Variants in C17orf78 observed in about 807,000 individuals in gnomAD.
C17orf78 encodes the protein uncharacterized protein C17orf78.
A neutral mutation model predicts 31.8 loss-of-function variants in C17orf78; 27 were observed. The ratio of observed to expected loss-of-function variants is 0.85; its 90% CI spans 0.63 to 1.17. The LOEUF (loss-of-function observed/expected upper bound fraction) is 1.17, where lower values mean the gene tolerates loss of function less well. Ranked by LOEUF, C17orf78 falls within the 50% of genes most tolerant of loss-of-function variation. The pLI is 0.00. For synonymous variants in C17orf78, 106 were observed against 115.1 expected, an observed-to-expected ratio of 0.92 and a Z score of 0.51; for missense variants, 258 against 315.2, an observed-to-expected ratio of 0.82 and a Z score of 1.37.
rs1189193698 is a variant in C17orf78, at chr17:37,390,304, TTATA to T, written c.750+969_750+972del. Among the ~76,000 whole-genome samples the T allele has an allele frequency of 2.0e-3, 36 of 17,976 alleles. 2 individuals carry two copies. Among genetic ancestry groups the T allele is most frequent in the African/African-American group, 7.6e-3 (20 of 2,620 alleles). 11.8% of individuals were successfully genotyped at this position (17,976 alleles called of 152,430 possible). On this transcript the variant is annotated intron_variant, in intron 6 of 6. Coordinates refer to ENST00000615133, the MANE Select transcript of C17orf78 (RefSeq NM_173625.5). The stretch of plus-strand genomic sequence containing the variant: ...ATATATAATTATATATTATACATAA[TTATA>T]TATATATATATATATATATATATAT...
At position 37,380,434 on chromosome 17, in the gene C17orf78, A is replaced by T. The variant is rs76798436; in HGVS notation, c.391+1052A>T. On this transcript the variant is annotated intron_variant, in intron 3 of 6. Coordinates refer to ENST00000615133, the MANE Select transcript of C17orf78 (RefSeq NM_173625.5). ...AAAACTTAAAGTATAATAATAAAAG[A>T]AAAAAAAAAGAAAATGAATTATCCT... Among the ~76,000 whole-genome samples, 96 of 149,336 alleles carry T rather than the reference A, an allele frequency of 6.4e-4. 1 individual carries two copies. Among genetic ancestry groups the T allele is most frequent in the African/African-American group, 2.2e-3 (89 of 40,740 alleles).
At chr17:37,381,897 G>T (rs2050302367) in intron 3 of C17orf78, among the ~76,000 whole-genome samples, 1 of 152,016 alleles carries the variant, frequency 6.6e-6, no homozygotes, top group Admixed American at 6.6e-5. Flanking sequence ...AAAGTGCTGG[G>T]ATTACAGGCG....
chr17:37,377,232 T>C (rs1226066845), intron 1 of C17orf78, among the ~76,000 whole-genome samples: 1 of 152,130 alleles, frequency 6.6e-6, no homozygotes. Flanking sequence ...AGGAAATGGG[T>C]TGGTTAGACT....
chr17:37,382,676 A>G (rs2050350792), intron 3 of C17orf78, among the ~76,000 whole-genome samples: 1 of 152,132 alleles, frequency 6.6e-6, no homozygotes, highest in Non-Finnish European at 1.5e-5. Context: ...CCTGGCCAAC[A>G]TGGTAAAACC....
intron 3 of C17orf78, among the ~76,000 whole-genome samples, chr17:37,385,077 T>C (rs2050466644): frequency 6.6e-6 from 1 of 152,134 alleles, no homozygotes; most frequent in East Asian, 1.9e-4. Flanking sequence ...AATCACATCA[T>C]CTCTCATCTG....
In C17orf78 at chr17:37,382,845, C is replaced by T. The variant is rs141162910; in HGVS notation, c.392-3164C>T. On this transcript the variant is annotated intron_variant, in intron 3 of 6. Coordinates refer to ENST00000615133, the MANE Select transcript of C17orf78 (RefSeq NM_173625.5). Reference sequence around the variant, plus strand: ...ACTGCACTCCAGCCTGGCGACAGAGCGAGACTCTGTCTCAAAAAACAAAAC... The same window carrying T: ...ACTGCACTCCAGCCTGGCGACAGAGTGAGACTCTGTCTCAAAAAACAAAAC... Among the ~76,000 whole-genome samples the T allele has an allele frequency of 5.8e-3, 874 of 151,920 alleles. 4 individuals are homozygous for T. The highest frequency in any genetic ancestry group is 0.016 in the South Asian group (77 of 4,798).
rs184660990 is a variant in C17orf78, at chr17:37,377,935, G to A, written c.115G>A (p.Val39Met). 2.7e-4 allele frequency: 442 copies of A among 1,613,444 alleles called. 1 individual carries two copies. In the African/African-American group the frequency reaches 5.2e-3, roughly 19 times the overall value. The change falls in exon 2 of 7, where the codon GTG (valine) becomes ATG (methionine). Residue 39 changes from valine (V) to methionine (M), a missense_variant. By Grantham distance (21) the Val-to-Met change is conservative (BLOSUM62 1). Transcript: ENST00000615133. ...EQLPGIFPKDVRSIRELQMQE... is the reference protein window; with the variant it reads ...EQLPGIFPKDMRSIRELQMQE... The stretch of plus-strand genomic sequence containing the variant: ...GCTGCCTGGGATCTTCCCAAAAGAC[G>A]TGAGAAGCATCAGAGAATTGCAAAT...
At chr17:37,389,679 T>A (rs1343607001) in intron 6 of C17orf78, among the ~76,000 whole-genome samples, 3 of 151,152 alleles carry the variant, frequency 2.0e-5, no homozygotes, top group Admixed American at 2.0e-4. Context: ...AGAGTAAGAC[T>A]CTGTCTCAAA....
At chr17:37,381,838 A>AG (rs1484860389) in intron 3 of C17orf78, among the ~76,000 whole-genome samples, 2 of 151,648 alleles carry the variant, frequency 1.3e-5, no homozygotes, top group Non-Finnish European at 2.9e-5. Flanking sequence ...CGTGTTGGCC[A>AG]GGATGGTCTC....
rs1437595349 is a variant in C17orf78 at position 37,390,251 on chromosome 17, T to TATATA, written c.750+891_750+892insATAAT. The stretch of plus-strand genomic sequence containing the variant: ...AATTATATATAATATATTATATATA[T>TATATA]ATTATATATAATTATATATAATATA... On this transcript the variant is annotated intron_variant, in intron 6 of 6. Coordinates refer to ENST00000615133, the MANE Select transcript of C17orf78 (RefSeq NM_173625.5). Among the ~76,000 whole-genome samples, 57 of 32,950 alleles carry TATATA rather than the reference T, an allele frequency of 1.7e-3. 1 individual carries two copies. Among genetic ancestry groups the TATATA allele is most frequent in the African/African-American group, 0.013 (51 of 3,994 alleles). 21.6% of individuals were successfully genotyped at this position (32,950 alleles called of 152,430 possible).
rs1426101528 is a variant in C17orf78 at position 37,390,356 on chromosome 17, C to T, written c.750+994C>T. ...TATAAAAGGCCAGCTGGGCCGGGCA[C>T]GGTGGCTCACGCCTGTAATCCTAGC... On this transcript the variant is annotated intron_variant, in intron 6 of 6. Transcript: ENST00000615133. Among the ~76,000 whole-genome samples, 18 of 85,416 alleles carry T rather than the reference C, an allele frequency of 2.1e-4. 1 individual carries two copies. Among genetic ancestry groups the T allele is most frequent in the Non-Finnish European group, 2.8e-4 (13 of 46,708 alleles). The allele number at this position is 85,416 out of a possible 152,430, so 56.0% of individuals were successfully genotyped here.
At position 37,391,875 on chromosome 17, in the gene C17orf78, T is replaced by C. The variant is rs2050899612; in HGVS notation, c.*151T>C. The C allele has an allele frequency of 2.8e-6, 2 of 719,720 alleles. No individual in the cohort carries two copies. The highest frequency in any genetic ancestry group is 4.7e-6 in the Non-Finnish European group (2 of 421,386). The allele number at this position is 719,720 out of a possible 1,614,324, so 44.6% of individuals were successfully genotyped here. On this transcript the variant is annotated 3_prime_UTR_variant, in exon 7 of 7. Coordinates refer to ENST00000615133, the MANE Select transcript of C17orf78 (RefSeq NM_173625.5). Reference sequence around the variant, plus strand: ...TGGTTAATGAAGGGAGAGTGTGGGCTTAGCAGAGTTACCCTCATGCCCCTA... The same window carrying C: ...TGGTTAATGAAGGGAGAGTGTGGGCCTAGCAGAGTTACCCTCATGCCCCTA...
chr17:37,389,285 T>C lies in C17orf78; in HGVS notation c.673T>C (p.Trp225Arg). The C allele has an allele frequency of 6.3e-7, 1 of 1,598,138 alleles. No homozygotes were observed. Among genetic ancestry groups the C allele is most frequent in the Non-Finnish European group, 8.5e-7 (1 of 1,172,544 alleles). Residue 225 changes from tryptophan (W) to arginine (R), a missense_variant, in exon 6 of 7, where the codon TGG (tryptophan) becomes CGG (arginine). Trp to Arg is a moderately radical substitution (Grantham distance 101). Transcript: ENST00000615133. ...AGCCAGGAAGCTGTGCCAATGCCAG[T>C]GGTTGTGGAGATGGCAAAAGAAGGG... ...LGARKLCQCQWLWRWQKKGGQ... is the reference protein window; with the variant it reads ...LGARKLCQCQRLWRWQKKGGQ...
Position 37,379,657 on chromosome 17 carries a change from A to G in C17orf78, c.391+275A>G, listed in dbSNP as rs555373584. Among the ~76,000 whole-genome samples, 826 of 152,208 alleles carry G rather than the reference A, an allele frequency of 5.4e-3. 5 individuals are homozygous for G. The highest frequency in any genetic ancestry group is 6.9e-3 in the Non-Finnish European group (470 of 68,016). On this transcript the variant is annotated intron_variant, in intron 3 of 6. Transcript: ENST00000615133. ...CTCAAAAGAAGACATTTATGCAGCC[A>G]AAAAACACATGAAAAAATGCTCATG...
chr17:37,388,174 C>T (rs1399055868), intron 4 of C17orf78, among the ~76,000 whole-genome samples: 1 of 151,930 alleles, frequency 6.6e-6, no homozygotes, highest in Non-Finnish European at 1.5e-5. Flanking sequence ...TGCATATTAG[C>T]CATTTGCCGC....
At chr17:37,381,895 G>A (rs994661798) in intron 3 of C17orf78, among the ~76,000 whole-genome samples, 23 of 151,922 alleles carry the variant, frequency 1.5e-4, no homozygotes, top group Admixed American at 1.4e-3. Context: ...CCAAAGTGCT[G>A]GGATTACAGG....
In C17orf78 at chr17:37,383,133, C is replaced by T. The variant is rs1470593781; in HGVS notation, c.392-2876C>T. On this transcript the variant is annotated intron_variant, in intron 3 of 6. Coordinates refer to ENST00000615133, the MANE Select transcript of C17orf78 (RefSeq NM_173625.5). ...CAATTGTTTCCCTCTTAACATGTGA[C>T]ACCTTGCTGTCCATGGCAGCTGTGT... 2.0e-5 allele frequency among the ~76,000 whole-genome samples: 3 copies of T among 152,188 alleles called. No homozygotes were observed. The East Asian group carries it at 5.8e-4, about 29-fold the overall frequency.
chr17:37,388,643 C>T (rs776669509), intron 4 of C17orf78, 27 bp from the exon 5 acceptor site: 2 of 1,605,634 alleles, frequency 1.2e-6, no homozygotes, highest in East Asian at 2.2e-5. Flanking sequence ...TTCTTTTCTC[C>T]CTCTTCCACT....
chr17:37,381,398 C>G (rs2050251730), intron 3 of C17orf78, among the ~76,000 whole-genome samples: 1 of 151,788 alleles, frequency 6.6e-6, no homozygotes, highest in Non-Finnish European at 1.5e-5. Context: ...GTTGGCCAGG[C>G]TAGTGTTGAA....
Sources: allele counts gnomAD v4.1 joint callset (sites outside exome capture counted in the v4.1 genomes callset), GRCh38; gene constraint gnomAD v4.1.1; transcripts MANE v1.5; gene names NCBI Gene and HGNC (gene_info 2026-07-23, HGNC 2026-07-21).